Variants in RBFOX1 observed in about 807,000 individuals in gnomAD.
RBFOX1 encodes the protein RNA binding protein fox-1 homolog 1.
In RBFOX1, 8 loss-of-function variants were observed where a neutral mutation model predicts 57.7. The observed-to-expected ratio is 0.14, with a 90% confidence interval of 0.08 to 0.25. The LOEUF (loss-of-function observed/expected upper bound fraction) is 0.25. RBFOX1 is among the 10% of genes least tolerant of loss of function. RBFOX1 has a pLI of 1.00. For synonymous variants in RBFOX1, 326 were observed against 222.4 expected, an observed-to-expected ratio of 1.47 and a Z score of -4.15; for missense variants, 611 against 548.5, an observed-to-expected ratio of 1.11 and a Z score of -1.14.
At chr16:7,180,118 T>A (rs570298759) in intron 4 of RBFOX1, among the ~76,000 whole-genome samples, 1 of 152,296 alleles carries the variant, frequency 6.6e-6, no homozygotes, top group East Asian at 1.9e-4. Flanking sequence ...AGCCCTGATA[T>A]CCATGGTGAA....
At chr16:5,708,998 A>G (rs1428711696) in intron 3 of RBFOX1, among the ~76,000 whole-genome samples, 1 of 152,170 alleles carries the variant, frequency 6.6e-6, no homozygotes, top group Admixed American at 6.5e-5. Flanking sequence ...CTCTTGTTTA[A>G]TTTGTTCTTG....
chr16:6,012,291 C>T (rs1365759970), intron 4 of RBFOX1, among the ~76,000 whole-genome samples: 2 of 152,194 alleles, frequency 1.3e-5, no homozygotes, highest in African/African-American at 2.4e-5. Flanking sequence ...GACCTAGTGC[C>T]TAGTGCATAG....
chr16:5,807,108 A>G (rs2055255439), intron 3 of RBFOX1, among the ~76,000 whole-genome samples: 2 of 152,146 alleles, frequency 1.3e-5, no homozygotes, highest in Admixed American at 1.3e-4. Flanking sequence ...GTCTAGGTAA[A>G]TACTGACTCC....
At chr16:7,053,565 T>G (rs887404245) in intron 4 of RBFOX1, among the ~76,000 whole-genome samples, 3 of 152,224 alleles carry the variant, frequency 2.0e-5, no homozygotes, top group Non-Finnish European at 4.4e-5. Flanking sequence ...AGAATTAAGA[T>G]AATATTGAAA....
At chr16:6,851,989 G>A (rs1205394719) in intron 3 of RBFOX1, among the ~76,000 whole-genome samples, 2 of 146,338 alleles carry the variant, frequency 1.4e-5, no homozygotes, top group African/African-American at 2.5e-5. Context: ...CCAGTGGTGT[G>A]ATCTCGGCTC....
chr16:6,680,190 A>G lies in RBFOX1; in HGVS notation c.-16+25540A>G, dbSNP rs552344967. Among the ~76,000 whole-genome samples the G allele has an allele frequency of 1.5e-3, 234 of 151,544 alleles. 1 individual carries two copies. The highest frequency in any genetic ancestry group is 5.4e-3 in the African/African-American group (225 of 41,304). ...GAGATAGAATAGCAATTTCGTATGG[A>G]GCTGCGCATATATTCAGTAAGTGGT... is the stretch of plus-strand genomic sequence containing the variant. On this transcript the variant is annotated intron_variant, in intron 3 of 15. Coordinates refer to ENST00000550418, the MANE Select transcript of RBFOX1 (RefSeq NM_018723.4).
chr16:6,741,106 C>A (rs57400725), intron 3 of RBFOX1, among the ~76,000 whole-genome samples: 1 of 151,910 alleles, frequency 6.6e-6, no homozygotes, highest in Admixed American at 6.6e-5. Context: ...AATGCAAAAG[C>A]AATTTAATGG....
At chr16:6,859,189 A>ATATATATGTATATATATG (rs2058562774) in intron 3 of RBFOX1, among the ~76,000 whole-genome samples, 1 of 98,982 alleles carries the variant, frequency 1.0e-5, no homozygotes, top group African/African-American at 3.9e-5. Context: ...ATATATGTAT[A>ATATATATGTATATATATG]TATATATGTA....
intron 3 of RBFOX1, among the ~76,000 whole-genome samples, chr16:5,715,523 A>G (rs933473441): frequency 1.1e-4 from 16 of 152,260 alleles, no homozygotes; most frequent in African/African-American, 3.9e-4. Flanking sequence ...TCTAAGTGGA[A>G]AAGTCCAGTT....
chr16:6,352,019 T>A (rs1324320507), intron 2 of RBFOX1, among the ~76,000 whole-genome samples: 1 of 152,184 alleles, frequency 6.6e-6, no homozygotes, highest in Non-Finnish European at 1.5e-5. Flanking sequence ...CCTACCCTTT[T>A]TCAGTGCTTT....
intron 3 of RBFOX1, among the ~76,000 whole-genome samples, chr16:6,954,683 C>G (rs911698633): frequency 6.6e-6 from 1 of 152,014 alleles, no homozygotes; most frequent in Non-Finnish European, 1.5e-5. Context: ...CATTTAGGGG[C>G]TCTCTTAAGT....
chr16:5,428,262 T>G (rs141833708), intron 1 of RBFOX1, among the ~76,000 whole-genome samples: 1 of 152,298 alleles, frequency 6.6e-6, no homozygotes, highest in East Asian at 1.9e-4. Flanking sequence ...AGGTACAAAC[T>G]TGCTATTGCT....
At chr16:7,238,669 C>T (rs112540347) in intron 4 of RBFOX1, among the ~76,000 whole-genome samples, 3 of 152,106 alleles carry the variant, frequency 2.0e-5, no homozygotes, top group Admixed American at 2.0e-4. Flanking sequence ...TTCAGGGGTA[C>T]AAGTGCAGGC....
At chr16:6,778,844 C>T (rs1165231775) in intron 3 of RBFOX1, among the ~76,000 whole-genome samples, 1 of 151,286 alleles carries the variant, frequency 6.6e-6, no homozygotes, top group East Asian at 1.9e-4. Flanking sequence ...TAATTGAATA[C>T]ACATACACCA....
At chr16:6,299,575 G>T (rs959987009) in intron 1 of RBFOX1, among the ~76,000 whole-genome samples, 1 of 151,992 alleles carries the variant, frequency 6.6e-6, no homozygotes, top group Non-Finnish European at 1.5e-5. Flanking sequence ...CAGCGTCATC[G>T]TCACTCTCAC....
At chr16:5,933,620 A>G (rs2059112558) in intron 4 of RBFOX1, among the ~76,000 whole-genome samples, 1 of 152,164 alleles carries the variant, frequency 6.6e-6, no homozygotes, top group South Asian at 2.1e-4. Flanking sequence ...AGCAGACCTT[A>G]TTATGTTTTC....
At chr16:5,955,118 TAAAAAAAAAAAAA>T (rs34488881) in intron 4 of RBFOX1, among the ~76,000 whole-genome samples, 210 of 14,290 alleles carry the variant, frequency 0.015, 27 homozygotes, top group African/African-American at 0.073. Flanking sequence ...CCATCTCTAC[TAAAAAAAAAAAAA>T]AAAAAAAAAA....
At chr16:7,334,630 A>C (rs566934457) in intron 4 of RBFOX1, among the ~76,000 whole-genome samples, 27 of 152,332 alleles carry the variant, frequency 1.8e-4, no homozygotes, top group Middle Eastern at 3.4e-3. Flanking sequence ...GGGTGAATGT[A>C]ATCAGGTTTA....
At chr16:5,968,760 G>C (rs1018157531) in intron 4 of RBFOX1, among the ~76,000 whole-genome samples, 3 of 151,950 alleles carry the variant, frequency 2.0e-5, no homozygotes, top group Admixed American at 1.3e-4. Context: ...TTAATTTTGG[G>C]AAAGTCTCTT....
Sources: allele counts gnomAD v4.1 joint callset (sites outside exome capture counted in the v4.1 genomes callset), GRCh38; gene constraint gnomAD v4.1.1; transcripts MANE v1.5; gene names NCBI Gene and HGNC (gene_info 2026-07-23, HGNC 2026-07-21).